UBP1: variants seen among roughly 807,000 people sequenced by gnomAD.
UBP1 encodes upstream binding protein 1.
UBP1 carries 22 observed loss-of-function variants against 76.1 expected under a neutral mutation model. The observed-to-expected ratio is 0.29, with a 90% CI of 0.21 to 0.41. The LOEUF (loss-of-function observed/expected upper bound fraction) is 0.41, where lower values mean the gene tolerates loss of function less well. Among genes scored for constraint, UBP1 ranks in the 10% least tolerant of loss-of-function variants. The pLI is 1.00. For missense variants in UBP1, 436 were observed against 668.1 expected (o/e 0.65, Z 3.83); for synonymous variants, 224 against 237.1 (o/e 0.94, Z 0.51).
At chr3:33,401,183 G>A (rs2044215577) in intron 9 of UBP1, among the ~76,000 whole-genome samples, 167 bp from the exon 10 acceptor site, 1 of 152,204 alleles carries the variant, frequency 6.6e-6, no homozygotes, top group South Asian at 2.1e-4. Context: ...AGCTTAGGGT[G>A]TGGACATGAT....
Position 33,409,478 on chromosome 3 carries a change from A to C in UBP1, c.679T>G (p.Ser227Ala). Residue 227 changes from serine to alanine, a missense_variant, in exon 6 of 16, where the codon TCA becomes GCA. By Grantham distance (99) the Ser-to-Ala change is moderately conservative. Around this residue, in one of 3 missense-constraint regions of UBP1, gnomAD observed 65 missense variants for 157.4 expected, o/e 0.41. Coordinates refer to ENST00000283629, the MANE Select transcript of UBP1 (RefSeq NM_014517.5). ...AAAACTTTGATTTGGCAGCTAGCTG[A>C]GTGTAGATGATCTGTGTATTCTCCA... ...ENGEYTDHLH[S>A]ASCQIKVFKP... The C allele has an allele frequency of 6.2e-7, 1 of 1,614,174 alleles. No homozygotes were observed. The highest frequency in any genetic ancestry group is 2.2e-5 in the East Asian group (1 of 44,884).
chr3:33,410,840 G>A (rs2154057318), intron 5 of UBP1, among the ~76,000 whole-genome samples: 2 of 152,210 alleles, frequency 1.3e-5, no homozygotes, highest in East Asian at 3.9e-4. Flanking sequence ...AGGAGGACAA[G>A]GCAGGTAGAT....
chr3:33,390,206 C>G lies in UBP1; in HGVS notation c.*125G>C, dbSNP rs2043701617. ...TCATACAGCTCATTAGAAAGGTCAT[C>G]TTGTGTTTTCAATATGAAACATTTC... is the stretch of plus-strand genomic sequence containing the variant. On this transcript the variant is annotated 3_prime_UTR_variant, in exon 16 of 16. Transcript: ENST00000283629. The G allele has an allele frequency of 6.3e-6, 6 of 949,712 alleles. No individual in the cohort carries two copies. Among genetic ancestry groups the G allele is most frequent in the Non-Finnish European group, 9.6e-6 (6 of 623,460 alleles). 58.8% of individuals were successfully genotyped at this position (949,712 alleles called of 1,614,324 possible).
intron 9 of UBP1, among the ~76,000 whole-genome samples, chr3:33,402,432 T>C (rs966407187): frequency 2.0e-5 from 3 of 152,216 alleles, no homozygotes; most frequent in Non-Finnish European, 2.9e-5. Flanking sequence ...CCATTTGATA[T>C]AAGCATTACA....
Position 33,435,516 on chromosome 3 carries a change from G to A in UBP1, c.113+4220C>T, listed in dbSNP as rs374144025. Among the ~76,000 whole-genome samples, 103 of 152,300 alleles carry A rather than the reference G, an allele frequency of 6.8e-4. 1 individual carries two copies. Among genetic ancestry groups the A allele is most frequent in the African/African-American group, 2.4e-3 (98 of 41,572 alleles). On this transcript the variant is annotated intron_variant, in intron 1 of 15. Coordinates refer to ENST00000283629, the MANE Select transcript of UBP1 (RefSeq NM_014517.5). ...TTAGCCAGGCATGGTGGCACTGCCTGTAGTTCCAGCTACTCTGTGGCTCAG... is the reference window on the plus strand; with the variant it reads ...TTAGCCAGGCATGGTGGCACTGCCTATAGTTCCAGCTACTCTGTGGCTCAG...
At chr3:33,390,572 G>A (rs2043719999) in intron 15 of UBP1, 1 of 603,250 alleles carries the variant, frequency 1.7e-6, no homozygotes, top group Non-Finnish European at 3.0e-6. Flanking sequence ...TAGACATTCT[G>A]CGAAGCCTGG....
At chr3:33,414,772 G>A (rs1005817231) in intron 3 of UBP1, among the ~76,000 whole-genome samples, 1 of 152,056 alleles carries the variant, frequency 6.6e-6, no homozygotes, top group African/African-American at 2.4e-5. Flanking sequence ...TCACACAGCT[G>A]GCTTATCAAA....
intron 8 of UBP1, chr3:33,403,516 CTGTCT>C (rs2044313592): frequency 6.8e-6 from 1 of 147,306 alleles, no homozygotes; most frequent in African/African-American, 2.5e-5. Flanking sequence ...ATCTATCTGT[CTGTCT>C]GTCTGGTCTG....
chr3:33,392,443 C>T (rs1314003583), intron 15 of UBP1, 120 bp downstream of exon 15: 3 of 851,002 alleles, frequency 3.5e-6, no homozygotes, highest in Non-Finnish European at 5.2e-6. Context: ...ATTTATCAAA[C>T]TTTCTTCTTA....
chr3:33,434,896 AG>A (rs766057228), intron 1 of UBP1, among the ~76,000 whole-genome samples: 2 of 152,024 alleles, frequency 1.3e-5, no homozygotes, highest in Non-Finnish European at 2.9e-5. Context: ...CACGTTGGCC[AG>A]GATGGTCTCG....
chr3:33,411,596 G>C lies in UBP1; in HGVS notation c.540C>G (p.Thr180=). ...VEFLWDPAKR[T]SAFIQVHCIS... ...AAATCCAAACCTGAATGAAAGCAGA[G>C]GTGCGTTTTGCTGGGTCCCACAGAA... The change falls in exon 5 of 16, where the codon ACC becomes ACG. Residue 180 remains threonine (T), a synonymous_variant. Coordinates refer to ENST00000283629, the MANE Select transcript of UBP1 (RefSeq NM_014517.5). 1 of 1,614,072 alleles carries C rather than the reference G, an allele frequency of 6.2e-7. No homozygotes were observed. The highest frequency in any genetic ancestry group is 8.5e-7 in the Non-Finnish European group (1 of 1,179,966).
intron 14 of UBP1, 39 bp from the exon 15 acceptor site, chr3:33,392,653 C>A: frequency 6.4e-7 from 1 of 1,551,120 alleles, no homozygotes; most frequent in South Asian, 1.2e-5. Context: ...CAATTAAGAT[C>A]CAACTGTCGT....
chr3:33,392,471 A>G, intron 15 of UBP1, 92 bp downstream of exon 15: 11 of 1,091,234 alleles, frequency 1.0e-5, no homozygotes, highest in Non-Finnish European at 1.4e-5. Flanking sequence ...TAAAGCAATC[A>G]TTTTAAAGAA....
At chr3:33,414,286 G>A (rs1417069914) in intron 3 of UBP1, 1 of 152,056 alleles carries the variant, frequency 6.6e-6, no homozygotes, top group Non-Finnish European at 1.5e-5. Flanking sequence ...GAAAGAGAGG[G>A]AGGAGGGCGG....
chr3:33,393,477 A>G (rs747317919), intron 13 of UBP1, 23 bp from the exon 14 acceptor site: 2 of 1,589,034 alleles, frequency 1.3e-6, no homozygotes, highest in Non-Finnish European at 8.5e-7. Flanking sequence ...AAAAAAAAAG[A>G]AAAGCATTTT....
chr3:33,396,330 C>G, intron 12 of UBP1, 50 bp from the exon 13 acceptor site: 4 of 1,380,002 alleles, frequency 2.9e-6, no homozygotes, highest in Non-Finnish European at 4.0e-6. Flanking sequence ...AGCTGCCTTA[C>G]ACATGTACAA....
chr3:33,410,022 C>T (rs1462491981), intron 5 of UBP1, among the ~76,000 whole-genome samples: 1 of 152,210 alleles, frequency 6.6e-6, no homozygotes, highest in Non-Finnish European at 1.5e-5. Context: ...ACTGCCATTA[C>T]CCCTATTCTA....
chr3:33,418,506 G>A (rs572411620), intron 2 of UBP1, among the ~76,000 whole-genome samples: 2 of 151,744 alleles, frequency 1.3e-5, no homozygotes, highest in East Asian at 4.0e-4. Flanking sequence ...TGATTCACCC[G>A]CCTCAGCCTC....
chr3:33,416,676 G>A, intron 3 of UBP1, 82 bp downstream of exon 3: 1 of 1,070,662 alleles, frequency 9.3e-7, no homozygotes, highest in Non-Finnish European at 1.3e-6. Context: ...AACAATTATT[G>A]AAGTGAAATT....
Sources: gnomAD v4.1 joint callset for allele counts (sites outside exome capture counted in the v4.1 genomes callset) on GRCh38, gnomAD v4.1.1 for gene constraint, gnomAD v4.1.1 regional missense constraint, MANE v1.5 for transcripts, NCBI Gene and HGNC (gene_info 2026-07-23, HGNC 2026-07-21) for gene names.